Variants in OR56A1 observed in about 807,000 individuals in gnomAD.
The protein encoded by OR56A1 is olfactory receptor 56A1.
For missense variants in OR56A1, 360 were observed against 380.9 expected (o/e 0.94, Z 0.46); for synonymous variants, 174 against 159.1 (o/e 1.09, Z -0.70).
intron 1 of OR56A1, among the ~76,000 whole-genome samples, chr11:6,028,741 G>C (rs1488641498): frequency 6.6e-6 from 1 of 152,010 alleles, no homozygotes; most frequent in African/African-American, 2.4e-5. Context: ...TCCTGAAAGA[G>C]ATAAAAATAG....
Position 6,023,544 on chromosome 11 carries a change from A to T in OR56A1, c.*3204T>A, listed in dbSNP as rs2133600049. 1 of 152,288 alleles carries T rather than the reference A, an allele frequency of 6.6e-6. No individual in the cohort carries two copies. The highest frequency in any genetic ancestry group is 2.1e-4 in the South Asian group (1 of 4,826). 9.4% of individuals were successfully genotyped at this position (152,288 alleles called of 1,614,324 possible). ...GCAATGATATCAGATCTTCCTGCTC[A>T]AGAGGCTGTGTTCCTCACACAAATA... is the stretch of plus-strand genomic sequence containing the variant. On this transcript the variant is annotated 3_prime_UTR_variant, in exon 2 of 2. Coordinates refer to ENST00000641900, the MANE Select transcript of OR56A1 (RefSeq NM_001388488.1).
Position 6,026,687 on chromosome 11 carries a change from C to T in OR56A1, c.*61G>A, listed in dbSNP as rs763548629. 1.9e-5 allele frequency: 20 copies of T among 1,042,208 alleles called. No individual in the cohort carries two copies. The East Asian group carries it at 3.1e-4, about 16-fold the overall frequency. 64.6% of individuals were successfully genotyped at this position (1,042,208 alleles called of 1,614,324 possible). A position where few individuals can be genotyped will look rare whatever the true frequency, so the allele number is the denominator to read the frequency against. On this transcript the variant is annotated 3_prime_UTR_variant, in exon 2 of 2. Transcript: ENST00000641900. ...CTCACTAACTGACATTTCTCTACTT[C>T]GCTGCCTAGGTAAAATCACTGAAGA...
chr11:6,029,147 A>T (rs939712191), intron 1 of OR56A1, among the ~76,000 whole-genome samples: 2 of 152,176 alleles, frequency 1.3e-5, no homozygotes, highest in African/African-American at 4.8e-5. Context: ...GAGGCGGGTG[A>T]GAGGGGGTGG....
At position 6,026,767 on chromosome 11, in the gene OR56A1, A is replaced by G; in HGVS notation, c.926T>C (p.Leu309Ser). The change falls in exon 2 of 2, where the codon TTA becomes TCA. Residue 309 changes from leucine (L) to serine (S), a missense_variant. By Grantham distance (145) the Leu-to-Ser change is moderately radical. Transcript: ENST00000641900. The part of the protein sequence containing the change: ...TKEIKQGIQK[L>S]LQRGR Reference sequence around the variant, plus strand: ...ACATATTCACCTCCCTCTCTGCAGTAACTTCTGAATTCCCTGTTTTATCTC... The same window carrying G: ...ACATATTCACCTCCCTCTCTGCAGTGACTTCTGAATTCCCTGTTTTATCTC... The G allele has an allele frequency of 6.3e-7, 1 of 1,598,980 alleles. No individual in the cohort carries two copies. The highest frequency in any genetic ancestry group is 8.5e-7 in the Non-Finnish European group (1 of 1,170,966).
rs542203094 is a variant in OR56A1, at chr11:6,019,646, T to C, written c.*7102A>G. ...GATTCATTCACTATCATGAGAATTA[T>C]GGGTGCAGGAAAGACCCACCCCCAT... On this transcript the variant is annotated 3_prime_UTR_variant, in exon 2 of 2. Transcript: ENST00000641900. 6 of 152,216 alleles carry C rather than the reference T, an allele frequency of 3.9e-5. No individual in the cohort carries two copies. Among genetic ancestry groups the C allele is most frequent in the Admixed American group, 6.5e-5 (1 of 15,278 alleles). 9.4% of individuals were successfully genotyped at this position (152,216 alleles called of 1,614,324 possible).
upstream of OR56A1, among the ~76,000 whole-genome samples, chr11:6,031,196 T>C (rs1403703007): frequency 6.6e-6 from 1 of 152,196 alleles, no homozygotes; most frequent in Non-Finnish European, 1.5e-5. Flanking sequence ...AAGGAAATTC[T>C]ATGCAATATT....
In OR56A1 at chr11:6,021,722, T is replaced by C. The variant is rs1564815181; in HGVS notation, c.*5026A>G. The stretch of plus-strand genomic sequence containing the variant: ...AAAGGCACAAACCCCCAAAGGCAGA[T>C]GGCATTAAAAAAACAATAAAAAGCA... On this transcript the variant is annotated 3_prime_UTR_variant, in exon 2 of 2. Transcript: ENST00000641900. 6.6e-6 allele frequency: 1 copy of C among 151,928 alleles called. No individual in the cohort carries two copies. Among genetic ancestry groups the C allele is most frequent in the Non-Finnish European group, 1.5e-5 (1 of 67,954 alleles). 9.4% of individuals were successfully genotyped at this position (151,928 alleles called of 1,614,324 possible). A position where few individuals can be genotyped will look rare whatever the true frequency, so the allele number is the denominator to read the frequency against.
intron 1 of OR56A1, among the ~76,000 whole-genome samples, chr11:6,029,884 A>T (rs1166033517): frequency 1.3e-5 from 2 of 152,104 alleles, no homozygotes; most frequent in African/African-American, 2.4e-5. Flanking sequence ...TCTTACTTAG[A>T]CCTCTCCAGA....
Position 6,026,073 on chromosome 11 carries a change from C to G in OR56A1, c.*675G>C, listed in dbSNP as rs898564692. 2.0e-5 allele frequency: 3 copies of G among 152,218 alleles called. No homozygotes were observed. The highest frequency in any genetic ancestry group is 4.4e-5 in the Non-Finnish European group (3 of 68,078). The allele number at this position is 152,218 out of a possible 1,614,324, so 9.4% of individuals were successfully genotyped here. ...AGTCAGCTTTCCTGTTTCCTACTCT[C>G]TTAGGGTCCCCTCTACCTGTCTGCA... On this transcript the variant is annotated 3_prime_UTR_variant, in exon 2 of 2. Transcript: ENST00000641900.
chr11:6,032,219 T>C (rs1179762480), upstream of OR56A1, among the ~76,000 whole-genome samples: 1 of 152,030 alleles, frequency 6.6e-6, no homozygotes, highest in Non-Finnish European at 1.5e-5. Context: ...TTCAAACTTA[T>C]AATAGAAGAA....
chr11:6,027,796 C>G, intron 1 of OR56A1, 70 bp from the exon 2 acceptor site: 1 of 958,734 alleles, frequency 1.0e-6, no homozygotes, highest in African/African-American at 1.6e-5. Context: ...TTCACTTACT[C>G]TTTAGGAAGC....
upstream of OR56A1, among the ~76,000 whole-genome samples, chr11:6,032,300 A>G (rs1848520285): frequency 6.6e-6 from 1 of 152,182 alleles, no homozygotes; most frequent in African/African-American, 2.4e-5. Context: ...ATTCAGAAGG[A>G]AAGTAAGATA....
In OR56A1 at chr11:6,019,900, T is replaced by G. The variant is rs1464765129; in HGVS notation, c.*6848A>C. 6.6e-6 allele frequency: 1 copy of G among 152,122 alleles called. No homozygotes were observed. Among genetic ancestry groups the G allele is most frequent in the Non-Finnish European group, 1.5e-5 (1 of 67,992 alleles). The allele number at this position is 152,122 out of a possible 1,614,324, so 9.4% of individuals were successfully genotyped here. ...GACCTTGATCCCTCTCTTGGCTCTA[T>G]CCACAGGCAAACCAGCATTTACTTT... On this transcript the variant is annotated 3_prime_UTR_variant, in exon 2 of 2. Coordinates refer to ENST00000641900, the MANE Select transcript of OR56A1 (RefSeq NM_001388488.1).
intron 1 of OR56A1, among the ~76,000 whole-genome samples, chr11:6,029,731 G>A (rs765241260): frequency 9.9e-5 from 15 of 152,194 alleles, no homozygotes; most frequent in African/African-American, 2.9e-4. Context: ...CTACCTTGAC[G>A]TCAGTTTAAA....
In OR56A1 at chr11:6,024,329, A is replaced by T. The variant is rs1177708440; in HGVS notation, c.*2419T>A. On this transcript the variant is annotated 3_prime_UTR_variant, in exon 2 of 2. Coordinates refer to ENST00000641900, the MANE Select transcript of OR56A1 (RefSeq NM_001388488.1). ...TCTATCCCTATGTACACCCAGTTTG[A>T]GTCAAGCATCTCATAATTGTGTTGG... The T allele has an allele frequency of 6.6e-6, 1 of 152,198 alleles. No individual in the cohort carries two copies. The highest frequency in any genetic ancestry group is 2.4e-5 in the African/African-American group (1 of 41,432). The allele number at this position is 152,198 out of a possible 1,614,324, so 9.4% of individuals were successfully genotyped here.
chr11:6,033,666 G>T (rs189443844), upstream of OR56A1, among the ~76,000 whole-genome samples: 1 of 151,914 alleles, frequency 6.6e-6, no homozygotes, highest in East Asian at 1.9e-4. Flanking sequence ...TTTTTACATT[G>T]TATGTGTGTG....
At position 6,026,680 on chromosome 11, in the gene OR56A1, T is replaced by C; in HGVS notation, c.*68A>G. ...ATAAACACTCACTAACTGACATTTC[T>C]CTACTTCGCTGCCTAGGTAAAATCA... On this transcript the variant is annotated 3_prime_UTR_variant, in exon 2 of 2. Coordinates refer to ENST00000641900, the MANE Select transcript of OR56A1 (RefSeq NM_001388488.1). The C allele has an allele frequency of 1.0e-6, 1 of 967,648 alleles. No homozygotes were observed. The highest frequency in any genetic ancestry group is 1.6e-5 in the South Asian group (1 of 64,234). The allele number at this position is 967,648 out of a possible 1,614,324, so 59.9% of individuals were successfully genotyped here.
At position 6,020,351 on chromosome 11, in the gene OR56A1, AT is replaced by A. The variant is rs556523221; in HGVS notation, c.*6396del. On this transcript the variant is annotated 3_prime_UTR_variant, in exon 2 of 2. Transcript: ENST00000641900. ...TTTTTCTAGTTCTGTAAAGAATGTC[AT>A]TGGTAGTTTGACTGGAATAGCATTG... The A allele has an allele frequency of 2.6e-5, 4 of 152,204 alleles. No individual in the cohort carries two copies. In the South Asian group the frequency reaches 8.3e-4, roughly 32 times the overall value. 9.4% of individuals were successfully genotyped at this position (152,204 alleles called of 1,614,324 possible). A position where few individuals can be genotyped will look rare whatever the true frequency, so the allele number is the denominator to read the frequency against.
rs938190500 is a variant in OR56A1, at chr11:6,020,579, T to C, written c.*6169A>G. On this transcript the variant is annotated 3_prime_UTR_variant, in exon 2 of 2. Coordinates refer to ENST00000641900, the MANE Select transcript of OR56A1 (RefSeq NM_001388488.1). ...TTATTTTTTGTGTGGCAGCTGTGAA[T>C]GGGATTGCCTTTCTAATTTGAATCT... 1.3e-5 allele frequency: 2 copies of C among 152,144 alleles called. No homozygotes were observed. Among genetic ancestry groups the C allele is most frequent in the Non-Finnish European group, 2.9e-5 (2 of 67,986 alleles). 9.4% of individuals were successfully genotyped at this position (152,144 alleles called of 1,614,324 possible).
Sources: gnomAD v4.1 joint callset for allele counts (sites outside exome capture counted in the v4.1 genomes callset) on GRCh38, gnomAD v4.1.1 for gene constraint, MANE v1.5 for transcripts, NCBI Gene and HGNC (gene_info 2026-07-23, HGNC 2026-07-21) for gene names.